The following RUNDC3B variants were observed in gnomAD, a reference collection of about 807,000 sequenced individuals.
RUNDC3B encodes the protein RUN domain containing 3B.
In RUNDC3B, 33 loss-of-function variants were observed where a neutral mutation model predicts 58.4. The observed-to-expected ratio is 0.56, with a 90% CI of 0.43 to 0.75. The LOEUF is 0.75. Among genes scored for constraint, RUNDC3B ranks in the 30% least tolerant of loss-of-function variants. RUNDC3B has a pLI of 0.00. For synonymous variants in RUNDC3B, 193 were observed against 195.2 expected (o/e 0.99, Z 0.10); for missense variants, 501 against 535.7 (o/e 0.94, Z 0.64).
chr7:87,671,977 AC>A (rs752530628), intron 2 of RUNDC3B, among the ~76,000 whole-genome samples: 1 of 151,906 alleles, frequency 6.6e-6, no homozygotes, highest in Non-Finnish European at 1.5e-5. Flanking sequence ...GGGACTGGGG[AC>A]CCACTTAAGC....
At chr7:87,742,742 A>C (rs941082776) in intron 6 of RUNDC3B, among the ~76,000 whole-genome samples, 4 of 152,184 alleles carry the variant, frequency 2.6e-5, no homozygotes, top group Non-Finnish European at 4.4e-5. Context: ...TATTAAATCT[A>C]AAAACTACAG....
intron 1 of RUNDC3B, among the ~76,000 whole-genome samples, chr7:87,633,822 T>C (rs914701926): frequency 4.6e-5 from 7 of 152,336 alleles, no homozygotes; most frequent in Non-Finnish European, 8.8e-5. Context: ...TGAAATGTTA[T>C]TGAATATTAA....
At chr7:87,642,128 A>G (rs1822521108) in intron 1 of RUNDC3B, among the ~76,000 whole-genome samples, 1 of 151,906 alleles carries the variant, frequency 6.6e-6, no homozygotes, top group African/African-American at 2.4e-5. Context: ...GATTTATTTT[A>G]TAGTTAAGGC....
intron 8 of RUNDC3B, among the ~76,000 whole-genome samples, chr7:87,786,724 G>A (rs1165272169): frequency 6.6e-6 from 1 of 151,874 alleles, no homozygotes; most frequent in Non-Finnish European, 1.5e-5. Context: ...TTCATTTTAA[G>A]AATTAAATTT....
intron 10 of RUNDC3B, among the ~76,000 whole-genome samples, chr7:87,828,728 G>A (rs1343858866): frequency 6.6e-6 from 1 of 152,058 alleles, no homozygotes; most frequent in Non-Finnish European, 1.5e-5. Flanking sequence ...ATTTTCTTCT[G>A]GATATATACC....
chr7:87,632,268 T>C (rs1423641521), intron 1 of RUNDC3B, among the ~76,000 whole-genome samples: 1 of 152,206 alleles, frequency 6.6e-6, no homozygotes, highest in Non-Finnish European at 1.5e-5. Flanking sequence ...GTTTAAAGCT[T>C]TATTCAAGTG....
At chr7:87,644,764 G>GAT (rs147569892) in intron 1 of RUNDC3B, among the ~76,000 whole-genome samples, 8,246 of 150,996 alleles carry the variant, frequency 0.055, 294 homozygotes, top group Non-Finnish European at 0.086. Context: ...TGTATATATG[G>GAT]ATATATATAT....
rs1483850102 is a variant in RUNDC3B at position 87,701,268 on chromosome 7, AAAG to A, written c.372+720_372+722del. Among the ~76,000 whole-genome samples, 4 of 152,352 alleles carry A rather than the reference AAAG, an allele frequency of 2.6e-5. No homozygotes were observed. The South Asian group carries it at 8.3e-4, about 32-fold the overall frequency. ...GCATTTGACAGATATTTTCTCAAAA[AAAG>A]AAGAAAGAAGTGAGCCTATTACTTC... On this transcript the variant is annotated intron_variant, in intron 3 of 10. Coordinates refer to ENST00000394654, the MANE Select transcript of RUNDC3B (RefSeq NM_001134405.2).
chr7:87,629,855 G>A (rs1194309495), intron 1 of RUNDC3B, among the ~76,000 whole-genome samples: 1 of 151,680 alleles, frequency 6.6e-6, no homozygotes, highest in Non-Finnish European at 1.5e-5. Flanking sequence ...GAACCTGGGA[G>A]GCGGTTGCAA....
intron 4 of RUNDC3B, among the ~76,000 whole-genome samples, chr7:87,721,801 C>G (rs1420408418): frequency 5.4e-5 from 8 of 149,528 alleles, no homozygotes; most frequent in East Asian, 2.0e-4. Context: ...CTGTCTCTGT[C>G]TCTCTCTCTC....
chr7:87,732,631 G>A (rs553986699), intron 4 of RUNDC3B, among the ~76,000 whole-genome samples: 1 of 152,296 alleles, frequency 6.6e-6, no homozygotes, highest in East Asian at 1.9e-4. Flanking sequence ...GATAGTGAAA[G>A]CTGGGTCCAG....
intron 6 of RUNDC3B, among the ~76,000 whole-genome samples, chr7:87,769,210 C>T (rs536349388): frequency 4.6e-5 from 7 of 151,672 alleles, no homozygotes; most frequent in African/African-American, 1.4e-4. Flanking sequence ...AGGTTTTCAC[C>T]ATGTTGCCCA....
intron 3 of RUNDC3B, chr7:87,709,397 C>G (rs1230048167): frequency 2.0e-6 from 2 of 985,330 alleles, no homozygotes; most frequent in Non-Finnish European, 2.4e-6. Context: ...AGTAGCTTGC[C>G]TCTTCCTTCC....
intron 10 of RUNDC3B, among the ~76,000 whole-genome samples, chr7:87,826,211 G>GTGA (rs1194069052): frequency 6.6e-6 from 1 of 152,102 alleles, no homozygotes; most frequent in African/African-American, 2.4e-5. Context: ...CTGGTGGGAG[G>GTGA]TGATTTAATT....
At chr7:87,636,900 G>A (rs1336783457) in intron 1 of RUNDC3B, among the ~76,000 whole-genome samples, 1 of 152,204 alleles carries the variant, frequency 6.6e-6, no homozygotes, top group Non-Finnish European at 1.5e-5. Context: ...CAGGGCTGGG[G>A]AGGCCTCAGG....
At chr7:87,822,282 A>C (rs1403410750) in intron 10 of RUNDC3B, among the ~76,000 whole-genome samples, 2 of 152,230 alleles carry the variant, frequency 1.3e-5, no homozygotes, top group Non-Finnish European at 2.9e-5. Context: ...AAAACACATG[A>C]AAAAATGCTC....
chr7:87,815,670 A>T (rs1836988341), intron 9 of RUNDC3B, among the ~76,000 whole-genome samples: 1 of 152,122 alleles, frequency 6.6e-6, no homozygotes, highest in Non-Finnish European at 1.5e-5. Flanking sequence ...ATTTGTAATA[A>T]TAATTTGTTT....
At chr7:87,706,158 A>G (rs924301684) in intron 3 of RUNDC3B, among the ~76,000 whole-genome samples, 52 of 152,178 alleles carry the variant, frequency 3.4e-4, no homozygotes, top group African/African-American at 1.3e-3. Flanking sequence ...CCACATATCC[A>G]TGCATCTTTC....
chr7:87,677,086 C>T (rs1169220302), intron 2 of RUNDC3B, among the ~76,000 whole-genome samples: 2 of 152,124 alleles, frequency 1.3e-5, no homozygotes, highest in Non-Finnish European at 1.5e-5. Context: ...CAAAAAATTA[C>T]AAGTAGAACT....
Sources: gnomAD v4.1 joint callset for allele counts (sites outside exome capture counted in the v4.1 genomes callset) on GRCh38, gnomAD v4.1.1 for gene constraint, MANE v1.5 for transcripts, NCBI Gene and HGNC (gene_info 2026-07-23, HGNC 2026-07-21) for gene names.